Variants in CFDP1 observed in about 807,000 individuals in gnomAD.
CFDP1 encodes chromatin remodeling protein CFDP1.
A neutral mutation model predicts 40.1 loss-of-function variants in CFDP1; 31 were observed. The observed-to-expected ratio is 0.77, with a 90% CI of 0.58 to 1.04. The LOEUF (loss-of-function observed/expected upper bound fraction) is 1.04. Ranked by LOEUF, CFDP1 falls within the 50% of genes least tolerant of loss-of-function variation. The pLI, the probability that CFDP1 is intolerant of heterozygous loss-of-function variation, is 0.00. For missense variants in CFDP1, 423 were observed against 343.4 expected (o/e 1.23, Z -1.83); for synonymous variants, 167 against 120.0 (o/e 1.39, Z -2.56).
chr16:75,328,779 A>G (rs955563066), intron 5 of CFDP1, among the ~76,000 whole-genome samples: 18 of 150,736 alleles, frequency 1.2e-4, no homozygotes, highest in African/African-American at 4.1e-4. Context: ...CCTGGGTTCA[A>G]GCAATTCTCC....
chr16:75,386,273 T>C (rs1001458941), intron 5 of CFDP1, among the ~76,000 whole-genome samples: 14 of 152,220 alleles, frequency 9.2e-5, no homozygotes, highest in African/African-American at 2.2e-4. Context: ...CATCTCTTCA[T>C]AGAATTTTCT....
intron 6 of CFDP1, among the ~76,000 whole-genome samples, chr16:75,302,302 C>T (rs914798661): frequency 6.6e-6 from 1 of 151,960 alleles, no homozygotes; most frequent in African/African-American, 2.4e-5. Context: ...ACTCTTTCAC[C>T]CAAGCTGAAA....
rs1419082481 is a variant in CFDP1, at chr16:75,423,324, CTGTAG to C, written c.65-8634_65-8630del. On this transcript the variant is annotated intron_variant, in intron 1 of 6. Transcript: ENST00000283882. ...ATTAGATGGGCATGATGGTGTGCAT[CTGTAG>C]TCCCAGGTACCTGGGAGGCTGAGGT... Among the ~76,000 whole-genome samples, 14 of 150,580 alleles carry C rather than the reference CTGTAG, an allele frequency of 9.3e-5. No homozygotes were observed. The East Asian group carries it at 2.6e-3, about 27-fold the overall frequency.
intron 5 of CFDP1, among the ~76,000 whole-genome samples, chr16:75,318,266 A>T (rs1447041431): frequency 1.3e-5 from 2 of 152,150 alleles, no homozygotes; most frequent in Non-Finnish European, 2.9e-5. Flanking sequence ...GATCGTTCCC[A>T]TCAGGGACAA....
At chr16:75,363,942 A>AAC (rs10635711) in intron 5 of CFDP1, among the ~76,000 whole-genome samples, 4,098 of 142,862 alleles carry the variant, frequency 0.029, 143 homozygotes, top group African/African-American at 0.09. Flanking sequence ...AAAGAGGTGA[A>AAC]ACACACACAC....
intron 6 of CFDP1, among the ~76,000 whole-genome samples, chr16:75,300,184 T>A (rs1012786055): frequency 2.0e-5 from 3 of 152,122 alleles, no homozygotes; most frequent in African/African-American, 7.2e-5. Flanking sequence ...GGGGTGGTGG[T>A]AGTGGGGCTG....
intron 3 of CFDP1, among the ~76,000 whole-genome samples, 172 bp downstream of exon 3, chr16:75,412,363 A>G (rs1388801583): frequency 1.3e-5 from 2 of 152,198 alleles, no homozygotes; most frequent in Non-Finnish European, 2.9e-5. Flanking sequence ...TTAAAGGCCT[A>G]TTGGAAACTT....
intron 5 of CFDP1, among the ~76,000 whole-genome samples, chr16:75,328,273 G>C (rs957063729): frequency 2.9e-4 from 43 of 150,222 alleles, no homozygotes; most frequent in African/African-American, 1.0e-3. Context: ...CGTGAGCCAG[G>C]AATTAGTATG....
intron 4 of CFDP1, among the ~76,000 whole-genome samples, chr16:75,395,492 C>G (rs1411007434): frequency 2.0e-5 from 3 of 151,978 alleles, no homozygotes; most frequent in African/African-American, 4.8e-5. Context: ...AATCCCGTCT[C>G]TATTAAAAAT....
chr16:75,329,101 G>A (rs932604544), intron 5 of CFDP1, among the ~76,000 whole-genome samples: 4 of 151,870 alleles, frequency 2.6e-5, no homozygotes, highest in Admixed American at 6.6e-5. Context: ...TGCCCGCCTC[G>A]GCCTCCTAAA....
At chr16:75,424,453 C>T (rs1348481599) in intron 1 of CFDP1, among the ~76,000 whole-genome samples, 6 of 152,156 alleles carry the variant, frequency 3.9e-5, no homozygotes, top group Non-Finnish European at 1.5e-5. Context: ...TTCTTTTCCC[C>T]CTTAAGATTG....
In CFDP1 at chr16:75,418,858, G is replaced by A. The variant is rs374595946; in HGVS notation, c.65-4163C>T. ...AAATAACAGATCAAGGCCAGGTGCA[G>A]TGGCTCATGCCTGTAATCCTACCAC... is the stretch of plus-strand genomic sequence containing the variant. On this transcript the variant is annotated intron_variant, in intron 1 of 6. Transcript: ENST00000283882. Among the ~76,000 whole-genome samples, 548 of 152,194 alleles carry A rather than the reference G, an allele frequency of 3.6e-3. 5 individuals carry two copies. The highest frequency in any genetic ancestry group is 0.012 in the African/African-American group (515 of 41,518).
intron 1 of CFDP1, among the ~76,000 whole-genome samples, chr16:75,423,614 A>T (rs978219619): frequency 6.6e-6 from 1 of 151,950 alleles, no homozygotes; most frequent in East Asian, 1.9e-4. Flanking sequence ...TCTTGGGTTC[A>T]CGCCATTCTC....
At chr16:75,303,403 G>A (rs866192238) in intron 6 of CFDP1, among the ~76,000 whole-genome samples, 1,959 of 129,284 alleles carry the variant, frequency 0.015, 42 homozygotes, top group African/African-American at 0.057. Flanking sequence ...ATAAATAAAT[G>A]TATGTATGTA....
intron 1 of CFDP1, among the ~76,000 whole-genome samples, chr16:75,432,541 C>A (rs920568625): frequency 6.6e-6 from 1 of 151,868 alleles, no homozygotes; most frequent in Non-Finnish European, 1.5e-5. Flanking sequence ...ACAGCAAGAC[C>A]CTGTCTTTAA....
chr16:75,313,233 C>T (rs145319241), intron 5 of CFDP1, among the ~76,000 whole-genome samples: 2 of 152,318 alleles, frequency 1.3e-5, no homozygotes, highest in Non-Finnish European at 2.9e-5. Context: ...TTCCTTGGTG[C>T]ACGTAAAACA....
chr16:75,412,019 T>A (rs911572108), intron 3 of CFDP1, 67 bp from the exon 4 acceptor site: 21 of 1,492,016 alleles, frequency 1.4e-5, no homozygotes, highest in Non-Finnish European at 1.7e-5. Context: ...AGATACTTTT[T>A]ATTTTTTTTT....
At chr16:75,375,436 A>C (rs1488277954) in intron 5 of CFDP1, among the ~76,000 whole-genome samples, 2 of 152,220 alleles carry the variant, frequency 1.3e-5, no homozygotes, top group Non-Finnish European at 2.9e-5. Context: ...CATTATTATT[A>C]GTTTTCAGAG....
intron 4 of CFDP1, 59 bp downstream of exon 4, chr16:75,411,766 T>C: frequency 6.6e-7 from 1 of 1,518,212 alleles, no homozygotes; most frequent in Non-Finnish European, 9.0e-7. Flanking sequence ...TAACACCAGT[T>C]AGAGAGAGAC....
Sources: gnomAD v4.1 joint callset for allele counts (sites outside exome capture counted in the v4.1 genomes callset) on GRCh38, gnomAD v4.1.1 for gene constraint, MANE v1.5 for transcripts, NCBI Gene and HGNC (gene_info 2026-07-23, HGNC 2026-07-21) for gene names.